The following CA1 variants were observed in gnomAD, a reference collection of about 807,000 sequenced individuals.
The protein encoded by CA1 is carbonic anhydrase 1.
Under a neutral mutation model 28.8 loss-of-function variants are expected in CA1, and 27 were observed. The ratio of observed to expected loss-of-function variants is 0.94; its 90% CI spans 0.69 to 1.29. The LOEUF is 1.29. Among genes scored for constraint, CA1 ranks in the 50% most tolerant of loss-of-function variants. The pLI, the probability that CA1 is intolerant of heterozygous loss-of-function variation, is 0.00. For synonymous variants in CA1, 121 were observed against 108.8 expected, an observed-to-expected ratio of 1.11 and a Z score of -0.70; for missense variants, 335 against 310.5, an observed-to-expected ratio of 1.08 and a Z score of -0.59.
At chr8:85,376,990 G>A (rs879662945) in intron 1 of CA1, among the ~76,000 whole-genome samples, 6 of 152,136 alleles carry the variant, frequency 3.9e-5, no homozygotes, top group Admixed American at 2.6e-4. Context: ...ACTGGGAGAA[G>A]AGAGAAATAA....
intron 2 of CA1, among the ~76,000 whole-genome samples, chr8:85,340,036 G>GA (rs570891750): frequency 3.9e-5 from 6 of 152,324 alleles, no homozygotes; most frequent in Admixed American, 6.5e-5. Context: ...CAGTTATACA[G>GA]AAGATCTAGC....
chr8:85,377,680 G>A (rs939512253), intron 1 of CA1, among the ~76,000 whole-genome samples: 2 of 152,098 alleles, frequency 1.3e-5, no homozygotes, highest in Non-Finnish European at 2.9e-5. Context: ...GCATGTGCCT[G>A]TAATCCCAGC....
At chr8:85,333,699 A>C in intron 4 of CA1, 79 bp from the exon 5 acceptor site, 1 of 903,334 alleles carries the variant, frequency 1.1e-6, no homozygotes, top group Non-Finnish European at 1.8e-6. Context: ...ACTTGTTACC[A>C]TATGATGATG....
intron 1 of CA1, among the ~76,000 whole-genome samples, chr8:85,354,027 G>T (rs1453082163): frequency 6.6e-6 from 1 of 151,776 alleles, no homozygotes; most frequent in Non-Finnish European, 1.5e-5. Flanking sequence ...CAGTGATGTG[G>T]ATCTCGGCTC....
chr8:85,328,597 T>G lies in CA1; in HGVS notation c.749A>C (p.Gln250Pro), dbSNP rs1169364044. Residue 250 changes from glutamine to proline, a missense_variant, in exon 8 of 8, where the codon CAA (glutamine) becomes CCA (proline). Coordinates refer to ENST00000523022, the MANE Select transcript of CA1 (RefSeq NM_001128831.4). ...VPMQHNNRPTQPLKGRTVRAS... is the reference protein window; with the variant it reads ...VPMQHNNRPTPPLKGRTVRAS... ...TCTCACTGTTCTGCCCTTCAGAGGTTGGGTTGGGCGGTTGTTGTGCTGCAT... is the reference window on the plus strand; with the variant it reads ...TCTCACTGTTCTGCCCTTCAGAGGTGGGGTTGGGCGGTTGTTGTGCTGCAT... The G allele has an allele frequency of 1.2e-6, 2 of 1,611,758 alleles. No homozygotes were observed. Among genetic ancestry groups the G allele is most frequent in the African/African-American group, 2.7e-5 (2 of 74,862 alleles).
chr8:85,335,267 C>T (rs182664010), intron 4 of CA1, among the ~76,000 whole-genome samples: 61 of 152,184 alleles, frequency 4.0e-4, no homozygotes, highest in African/African-American at 1.4e-3. Flanking sequence ...TACTTCCCTG[C>T]TTGAAAAATG....
intron 1 of CA1, among the ~76,000 whole-genome samples, chr8:85,370,546 A>C (rs1334540028): frequency 6.6e-6 from 1 of 152,162 alleles, no homozygotes; most frequent in Non-Finnish European, 1.5e-5. Context: ...TAGAGATTAA[A>C]ACATTCTAGC....
intron 4 of CA1, 93 bp from the exon 5 acceptor site, chr8:85,333,713 C>G (rs1808512124): frequency 1.2e-6 from 1 of 817,742 alleles, no homozygotes; most frequent in African/African-American, 1.7e-5. Flanking sequence ...GATGATGTAT[C>G]TTGGCTTAGA....
intron 1 of CA1, among the ~76,000 whole-genome samples, chr8:85,343,897 T>C (rs1363095425): frequency 6.6e-6 from 1 of 151,612 alleles, no homozygotes; most frequent in African/African-American, 2.4e-5. Flanking sequence ...ATCCTTCTTT[T>C]TCTGCTTACA....
intron 7 of CA1, among the ~76,000 whole-genome samples, chr8:85,329,296 A>T (rs1808298872): frequency 6.6e-6 from 1 of 152,212 alleles, no homozygotes; most frequent in Non-Finnish European, 1.5e-5. Flanking sequence ...TAAAAGTTTA[A>T]GCTCCACAAA....
intron 1 of CA1, among the ~76,000 whole-genome samples, chr8:85,358,442 C>T (rs139035037): frequency 9.1e-4 from 138 of 152,214 alleles, no homozygotes; most frequent in African/African-American, 3.1e-3. Flanking sequence ...ATATGCTTCC[C>T]CTCTTTAGAA....
intron 1 of CA1, among the ~76,000 whole-genome samples, chr8:85,376,425 G>T (rs955500451): frequency 7.9e-5 from 12 of 152,058 alleles, no homozygotes; most frequent in Non-Finnish European, 5.9e-5. Context: ...ACTTTGGGAG[G>T]CCGAGGTAGG....
intron 1 of CA1, among the ~76,000 whole-genome samples, chr8:85,364,155 T>G (rs1809917499): frequency 1.3e-5 from 2 of 152,208 alleles, no homozygotes; most frequent in South Asian, 4.2e-4. Context: ...ACCCCAAATT[T>G]ATTCTGTGTC....
chr8:85,360,317 C>A (rs576057942), intron 1 of CA1, among the ~76,000 whole-genome samples: 27 of 152,336 alleles, frequency 1.8e-4, no homozygotes, highest in African/African-American at 6.5e-4. Context: ...AAAGGCACTG[C>A]TGACCTTTTC....
intron 2 of CA1, 35 bp from the exon 3 acceptor site, chr8:85,338,484 A>C (rs766166170): frequency 6.6e-7 from 1 of 1,524,098 alleles, no homozygotes; most frequent in Admixed American, 1.7e-5. Flanking sequence ...TCAATGTCTT[A>C]TCAAATGCTT....
intron 2 of CA1, 27 bp from the exon 3 acceptor site, chr8:85,338,476 A>G: frequency 1.3e-6 from 2 of 1,586,942 alleles, no homozygotes; most frequent in Non-Finnish European, 1.7e-6. Flanking sequence ...GTGTAAAATC[A>G]ATGTCTTATC....
chr8:85,353,778 C>T (rs1809499186), intron 1 of CA1, among the ~76,000 whole-genome samples: 1 of 151,880 alleles, frequency 6.6e-6, no homozygotes. Flanking sequence ...TTGTTATAAA[C>T]AAAGTTGAAA....
At chr8:85,342,489 C>T (rs1808969790) in intron 1 of CA1, among the ~76,000 whole-genome samples, 1 of 152,218 alleles carries the variant, frequency 6.6e-6, no homozygotes, top group Non-Finnish European at 1.5e-5. Flanking sequence ...GCCAAGACTT[C>T]AGCCTCCTAA....
chr8:85,343,496 G>A (rs1253270516), intron 1 of CA1, among the ~76,000 whole-genome samples: 1 of 152,154 alleles, frequency 6.6e-6, no homozygotes, highest in Non-Finnish European at 1.5e-5. Context: ...CAAGAGTCAG[G>A]CTTCATCCTT....
Sources: allele counts gnomAD v4.1 joint callset (sites outside exome capture counted in the v4.1 genomes callset), GRCh38; gene constraint gnomAD v4.1.1; transcripts MANE v1.5; gene names NCBI Gene and HGNC (gene_info 2026-07-23, HGNC 2026-07-21).